SYT2: variants seen among roughly 807,000 people sequenced by gnomAD.
The protein encoded by SYT2 is synaptotagmin 2, also known as synaptotagmin-2.
In SYT2, 15 loss-of-function variants were observed where a neutral mutation model predicts 39.9. The observed-to-expected ratio is 0.38, with a 90% CI of 0.25 to 0.58. SYT2 has a LOEUF of 0.58. Ranked by LOEUF, SYT2 falls within the 20% of genes least tolerant of loss-of-function variation. SYT2 has a pLI of 0.70. For synonymous variants in SYT2, 181 were observed against 204.5 expected, an observed-to-expected ratio of 0.89 and a Z score of 0.98; for missense variants, 389 against 530.3, an observed-to-expected ratio of 0.73 and a Z score of 2.62.
chr1:202,604,672 C>T (rs751674898), intron 2 of SYT2, 51 bp from the exon 3 acceptor site: 2 of 1,576,756 alleles, frequency 1.3e-6, no homozygotes, highest in Non-Finnish European at 1.7e-6. Flanking sequence ...CCTTGCAGCC[C>T]CTGACCCCGT....
intron 2 of SYT2, 145 bp from the exon 3 acceptor site, chr1:202,604,766 T>A: frequency 2.9e-6 from 2 of 701,530 alleles, no homozygotes; most frequent in South Asian, 3.9e-5. Context: ...CACCCATGAG[T>A]GATTTGTATG....
At chr1:202,643,811 G>C (rs1272218815) in intron 1 of SYT2, among the ~76,000 whole-genome samples, 2 of 152,090 alleles carry the variant, frequency 1.3e-5, no homozygotes, top group Non-Finnish European at 2.9e-5. Flanking sequence ...GAGCCCTACG[G>C]GACTCCCCCG....
chr1:202,656,874 C>T (rs1692287690), intron 1 of SYT2, among the ~76,000 whole-genome samples: 1 of 152,206 alleles, frequency 6.6e-6, no homozygotes, highest in Admixed American at 6.5e-5. Flanking sequence ...CTATCTTGAA[C>T]TAAAATCTCT....
chr1:202,678,673 T>C (rs1572674664), intron 1 of SYT2, among the ~76,000 whole-genome samples: 1 of 152,092 alleles, frequency 6.6e-6, no homozygotes, highest in Admixed American at 6.5e-5. Context: ...ACTTAACCCC[T>C]CCTGCCTCTG....
At chr1:202,697,619 G>A (rs1159701757) in intron 1 of SYT2, among the ~76,000 whole-genome samples, 32 of 152,348 alleles carry the variant, frequency 2.1e-4, no homozygotes, top group Non-Finnish European at 2.9e-5. Context: ...AACAGCCAGA[G>A]CCTTGTATCC....
intron 3 of SYT2, among the ~76,000 whole-genome samples, chr1:202,603,831 C>G (rs548585482): frequency 1.6e-4 from 25 of 152,314 alleles, no homozygotes; most frequent in African/African-American, 5.5e-4. Flanking sequence ...TCAAGCCCTT[C>G]CCTCCATCCT....
chr1:202,600,545 C>T, intron 6 of SYT2, 71 bp from the exon 7 acceptor site: 3 of 1,452,826 alleles, frequency 2.1e-6, no homozygotes, highest in Non-Finnish European at 2.9e-6. Flanking sequence ...TGACCTCTTT[C>T]TTGCCAAAAT....
rs967650680 is a variant in SYT2 at position 202,694,232 on chromosome 1, G to A, written c.-18+16026C>T. Among the ~76,000 whole-genome samples, 4 of 152,228 alleles carry A rather than the reference G, an allele frequency of 2.6e-5. 1 individual carries two copies. Among genetic ancestry groups the A allele is most frequent in the Admixed American group, 2.6e-4 (4 of 15,280 alleles). ...CCTTAGATGCCCCTGGGATACATGT[G>A]TAATGGTATCAGATTTGTGTTAGAA... On this transcript the variant is annotated intron_variant, in intron 1 of 8. Coordinates refer to ENST00000367268, the MANE Select transcript of SYT2 (RefSeq NM_177402.5).
chr1:202,621,044 T>G (rs573866749), intron 1 of SYT2, among the ~76,000 whole-genome samples: 10 of 152,290 alleles, frequency 6.6e-5, no homozygotes, highest in Middle Eastern at 3.4e-3. Context: ...GCTTGTATGC[T>G]TCTATATTCA....
chr1:202,691,946 G>A lies in SYT2; in HGVS notation c.-18+18312C>T, dbSNP rs568869056. ...ACAGGCATACAAGGACACAGCTACC[G>A]TCTGGCACTCTATTCTCTCTCCCAC... On this transcript the variant is annotated intron_variant, in intron 1 of 8. Coordinates refer to ENST00000367268, the MANE Select transcript of SYT2 (RefSeq NM_177402.5). 3.9e-5 allele frequency among the ~76,000 whole-genome samples: 6 copies of A among 152,066 alleles called. No homozygotes were observed. The South Asian group carries it at 6.2e-4, about 16-fold the overall frequency.
chr1:202,614,623 T>C lies in SYT2; in HGVS notation c.-17-8834A>G, dbSNP rs1370091822. ...GGTGGTGAGCATTTATAATGGGGCA[T>C]ACGTGAATTAATCTGGGAAAGCAAA... On this transcript the variant is annotated intron_variant, in intron 1 of 8. Transcript: ENST00000367268. This position sits in a 1 kb window ranked among gnomAD's most constrained non-coding sequence, Gnocchi z 4.0. Among the ~76,000 whole-genome samples, 3 of 152,214 alleles carry C rather than the reference T, an allele frequency of 2.0e-5. No homozygotes were observed. The highest frequency in any genetic ancestry group is 6.5e-5 in the Admixed American group (1 of 15,280).
At chr1:202,669,757 C>CAAA (rs796796757) in intron 1 of SYT2, among the ~76,000 whole-genome samples, 1,328 of 84,142 alleles carry the variant, frequency 0.016, 16 homozygotes, top group African/African-American at 0.054. Context: ...GACCCTGTCT[C>CAAA]AAAAAAAAAA....
At chr1:202,654,409 G>A (rs1039134187) in intron 1 of SYT2, among the ~76,000 whole-genome samples, 3 of 152,114 alleles carry the variant, frequency 2.0e-5, no homozygotes, top group African/African-American at 4.8e-5. Flanking sequence ...CTGTTTCTTC[G>A]AAGGCACCAG....
At chr1:202,690,486 A>T (rs977064418) in intron 1 of SYT2, among the ~76,000 whole-genome samples, 3 of 152,080 alleles carry the variant, frequency 2.0e-5, no homozygotes, top group African/African-American at 7.2e-5. Flanking sequence ...TTACAGATAC[A>T]TGGATTCTCA....
chr1:202,644,735 G>A (rs992032088), intron 1 of SYT2, among the ~76,000 whole-genome samples: 4 of 152,106 alleles, frequency 2.6e-5, no homozygotes, highest in African/African-American at 9.7e-5. Context: ...GTGTTGGGGG[G>A]GGCAGTCACT....
At chr1:202,647,615 G>T (rs537505755) in intron 1 of SYT2, among the ~76,000 whole-genome samples, 1 of 152,346 alleles carries the variant, frequency 6.6e-6, no homozygotes, top group Non-Finnish European at 1.5e-5. Context: ...GAGGGGAAGG[G>T]AGAGAAGAGG....
intron 1 of SYT2, among the ~76,000 whole-genome samples, chr1:202,686,134 T>C (rs899303748): frequency 1.3e-5 from 2 of 152,166 alleles, no homozygotes; most frequent in Non-Finnish European, 2.9e-5. Context: ...CGGGAGGTGT[T>C]TGGGTTGTTT....
At chr1:202,617,625 C>G (rs773244620) in intron 1 of SYT2, among the ~76,000 whole-genome samples, 5 of 152,158 alleles carry the variant, frequency 3.3e-5, no homozygotes, top group Non-Finnish European at 5.9e-5. Context: ...TTTCTCAGCT[C>G]AAACAGTACT....
chr1:202,633,395 G>T (rs1481678758), intron 1 of SYT2, among the ~76,000 whole-genome samples: 1 of 152,112 alleles, frequency 6.6e-6, no homozygotes, highest in African/African-American at 2.4e-5. Flanking sequence ...TGTAGGTGAG[G>T]TGGCTTTTTT....
Sources: allele counts gnomAD v4.1 joint callset (sites outside exome capture counted in the v4.1 genomes callset), GRCh38; gene constraint gnomAD v4.1.1; non-coding constraint Gnocchi (gnomAD v3.1); transcripts MANE v1.5; gene names NCBI Gene and HGNC (gene_info 2026-07-23, HGNC 2026-07-21).